Variants in PDE3A observed in about 807,000 individuals in gnomAD.
PDE3A encodes phosphodiesterase 3A, also known as cGMP-inhibited 3',5'-cyclic phosphodiesterase 3A.
Under a neutral mutation model 98.3 loss-of-function variants are expected in PDE3A, and 43 were observed. The observed-to-expected ratio is 0.44, with a 90% CI of 0.34 to 0.56. PDE3A has a LOEUF of 0.56. PDE3A is among the 20% of genes least tolerant of loss of function. The pLI is 0.01. For synonymous variants in PDE3A, 663 were observed against 567.9 expected, an observed-to-expected ratio of 1.17 and a Z score of -2.38; for missense variants, 1,427 against 1,440.7, an observed-to-expected ratio of 0.99 and a Z score of 0.15.
At chr12:20,471,527 C>T (rs1411652100) in intron 1 of PDE3A, among the ~76,000 whole-genome samples, 1 of 152,150 alleles carries the variant, frequency 6.6e-6, no homozygotes, top group Non-Finnish European at 1.5e-5. Context: ...CTCTCTCTTC[C>T]CCTCTGGGTT....
intron 2 of PDE3A, among the ~76,000 whole-genome samples, chr12:20,574,726 A>G (rs77245888): frequency 1.3e-3 from 192 of 152,054 alleles, no homozygotes; most frequent in African/African-American, 4.4e-3. Context: ...AATGACTTAC[A>G]TGATGCCCTT....
intron 2 of PDE3A, among the ~76,000 whole-genome samples, chr12:20,565,078 T>A (rs1021530608): frequency 6.6e-6 from 1 of 152,134 alleles, no homozygotes; most frequent in Non-Finnish European, 1.5e-5. Context: ...CCACAGTTTC[T>A]GACCACTGTT....
chr12:20,481,921 C>T (rs1479571510), intron 1 of PDE3A, among the ~76,000 whole-genome samples: 1 of 150,950 alleles, frequency 6.6e-6, no homozygotes, highest in Non-Finnish European at 1.5e-5. Context: ...CCCGCCACCA[C>T]GCCCAGCTAA....
intron 1 of PDE3A, among the ~76,000 whole-genome samples, chr12:20,381,263 C>T (rs1253614267): frequency 6.6e-6 from 1 of 151,682 alleles, no homozygotes; most frequent in Non-Finnish European, 1.5e-5. Context: ...TAACTAAACA[C>T]CGATTAAGTA....
intron 1 of PDE3A, among the ~76,000 whole-genome samples, chr12:20,471,345 T>C (rs1452788109): frequency 2.0e-5 from 3 of 152,176 alleles, no homozygotes; most frequent in Non-Finnish European, 4.4e-5. Flanking sequence ...GCCCCATCCG[T>C]GATCAATTAA....
intron 2 of PDE3A, among the ~76,000 whole-genome samples, chr12:20,589,564 G>A (rs1337910643): frequency 2.0e-5 from 3 of 151,930 alleles, no homozygotes; most frequent in Admixed American, 6.6e-5. Context: ...GGAGACCAGG[G>A]AGACTTAAAA....
rs1397287899 is a variant in PDE3A at position 20,370,106 on chromosome 12, G to T, written c.822G>T (p.Gln274His). 2 of 1,613,254 alleles carry T rather than the reference G, an allele frequency of 1.2e-6. No individual in the cohort carries two copies. Among genetic ancestry groups the T allele is most frequent in the Non-Finnish European group, 8.5e-7 (1 of 1,179,932 alleles). The change falls in exon 1 of 16, where the codon CAG (glutamine) becomes CAT (histidine). Residue 274 changes from glutamine (Q) to histidine (H), a missense_variant. Coordinates refer to ENST00000359062, the MANE Select transcript of PDE3A (RefSeq NM_000921.5). Reference sequence around the variant, plus strand: ...CTCCAAGGGAGCATTTGGGGTCCCAGCTGATTGCTGGGACCAAGGAAGATA... The same window carrying T: ...CTCCAAGGGAGCATTTGGGGTCCCATCTGATTGCTGGGACCAAGGAAGATA... ...EAAPREHLGS[Q>H]LIAGTKEDIP...
At chr12:20,379,307 C>T (rs1347955306) in intron 1 of PDE3A, among the ~76,000 whole-genome samples, 1 of 151,700 alleles carries the variant, frequency 6.6e-6, no homozygotes, top group Non-Finnish European at 1.5e-5. Context: ...TTCAGAAATG[C>T]TCTTTAGTGA....
Position 20,552,488 on chromosome 12 carries a change from G to T in PDE3A, c.961-4172G>T. Reference sequence around the variant, plus strand: ...CTGGAAGCCCTGGCCAACCGAGAGCGAGAGAAGGAGAACAGCAAGAGGGAG... The same window carrying T: ...CTGGAAGCCCTGGCCAACCGAGAGCTAGAGAAGGAGAACAGCAAGAGGGAG... On this transcript the variant is annotated intron_variant, in intron 1 of 15. Transcript: ENST00000359062. This position sits in a 1 kb window ranked among gnomAD's most constrained non-coding sequence, Gnocchi z 5.1. 1 of 1,613,000 alleles carries T rather than the reference G, an allele frequency of 6.2e-7. No homozygotes were observed. Among genetic ancestry groups the T allele is most frequent in the Non-Finnish European group, 8.5e-7 (1 of 1,179,626 alleles).
At chr12:20,402,989 A>G (rs1047640554) in intron 1 of PDE3A, among the ~76,000 whole-genome samples, 3 of 152,200 alleles carry the variant, frequency 2.0e-5, no homozygotes, top group African/African-American at 7.2e-5. Context: ...ATAAGAATAG[A>G]GAAATAATAT....
At chr12:20,612,134 CA>C (rs1472367538) in intron 2 of PDE3A, among the ~76,000 whole-genome samples, 1 of 151,790 alleles carries the variant, frequency 6.6e-6, no homozygotes, top group South Asian at 2.1e-4. Context: ...CTCGTTTACC[CA>C]AACCATTACT....
Position 20,530,792 on chromosome 12 carries a change from G to A in PDE3A, c.961-25868G>A, listed in dbSNP as rs570422995. Among the ~76,000 whole-genome samples, 203 of 152,148 alleles carry A rather than the reference G, an allele frequency of 1.3e-3. 1 individual carries two copies. Among genetic ancestry groups the A allele is most frequent in the Non-Finnish European group, 2.4e-3 (166 of 68,004 alleles). On this transcript the variant is annotated intron_variant, in intron 1 of 15. Transcript: ENST00000359062. ...ATTCAAGTCCTCCTATAGGCCTCTT[G>A]ATCTGTACATTAATTGGAATAATGG...
chr12:20,457,789 T>TA (rs1306113889), intron 1 of PDE3A, among the ~76,000 whole-genome samples: 5 of 144,548 alleles, frequency 3.5e-5, no homozygotes, highest in Non-Finnish European at 7.6e-5. Context: ...TGCAATGCTG[T>TA]AAAAATTTTT....
intron 1 of PDE3A, among the ~76,000 whole-genome samples, chr12:20,460,400 A>G (rs1456588676): frequency 6.6e-6 from 1 of 152,206 alleles, no homozygotes; most frequent in Non-Finnish European, 1.5e-5. Context: ...AAAGCGTACA[A>G]TGTAATTTAT....
intron 1 of PDE3A, among the ~76,000 whole-genome samples, chr12:20,424,945 A>T (rs1944579563): frequency 6.6e-6 from 1 of 152,234 alleles, no homozygotes; most frequent in African/African-American, 2.4e-5. Context: ...AGGACTTGGC[A>T]TACTCAGGAA....
chr12:20,485,024 C>T (rs1945700751), intron 1 of PDE3A, among the ~76,000 whole-genome samples: 1 of 152,060 alleles, frequency 6.6e-6, no homozygotes, highest in African/African-American at 2.4e-5. Context: ...TCAAAAGTAG[C>T]ATGTGAAATT....
intron 2 of PDE3A, among the ~76,000 whole-genome samples, chr12:20,583,536 G>A (rs1170374062): frequency 2.6e-5 from 4 of 152,124 alleles, no homozygotes; most frequent in Non-Finnish European, 4.4e-5. Context: ...ACAACAGGCT[G>A]TAGAGTTGCA....
chr12:20,458,127 T>TAA (rs752755292), intron 1 of PDE3A, among the ~76,000 whole-genome samples: 47,342 of 151,726 alleles, frequency 0.31, 8,237 homozygotes, highest in Non-Finnish European at 0.39. Flanking sequence ...GATGCATTTA[T>TAA]TATTTATAAA....
chr12:20,525,231 T>C (rs12304396), intron 1 of PDE3A, among the ~76,000 whole-genome samples: 4,125 of 152,208 alleles, frequency 0.027, 186 homozygotes, highest in African/African-American at 0.094. Flanking sequence ...AAAGGAATAG[T>C]AATATATGTG....
Sources: allele counts gnomAD v4.1 joint callset (sites outside exome capture counted in the v4.1 genomes callset), GRCh38; gene constraint gnomAD v4.1.1; non-coding constraint Gnocchi (gnomAD v3.1); transcripts MANE v1.5; gene names NCBI Gene and HGNC (gene_info 2026-07-23, HGNC 2026-07-21).